SEMA5A: variants seen among roughly 807,000 people sequenced by gnomAD.
SEMA5A encodes the protein semaphorin 5A.
Under a neutral mutation model 135.5 loss-of-function variants are expected in SEMA5A, and 55 were observed. That is an observed-to-expected ratio of 0.41 (90% CI 0.33 to 0.51). The LOEUF (loss-of-function observed/expected upper bound fraction) is 0.51, where lower values mean the gene tolerates loss of function less well. Ranked by LOEUF, SEMA5A falls within the 20% of genes least tolerant of loss-of-function variation. SEMA5A has a pLI of 0.37. For synonymous variants in SEMA5A, 580 were observed against 546.5 expected (o/e 1.06, Z -0.85); for missense variants, 1,290 against 1,419.9 (o/e 0.91, Z 1.47).
At chr5:9,154,441 G>T in intron 12 of SEMA5A, 47 bp downstream of exon 12, 1 of 1,583,242 alleles carries the variant, frequency 6.3e-7, no homozygotes, top group Non-Finnish European at 8.7e-7. Flanking sequence ...CTCTGGGTGG[G>T]CCCTTCACAC....
At chr5:9,421,771 T>C (rs1475225068) in intron 2 of SEMA5A, among the ~76,000 whole-genome samples, 1 of 152,208 alleles carries the variant, frequency 6.6e-6, no homozygotes, top group Non-Finnish European at 1.5e-5. Context: ...GGATAGAACA[T>C]TGTTTCATCT....
intron 8 of SEMA5A, 82 bp downstream of exon 8, chr5:9,224,592 T>C: frequency 8.5e-7 from 1 of 1,171,470 alleles, no homozygotes; most frequent in South Asian, 1.3e-5. Flanking sequence ...TTATTTAGAG[T>C]GTTGTAGTTT....
intron 13 of SEMA5A, among the ~76,000 whole-genome samples, chr5:9,129,271 T>G (rs2150201374): frequency 6.6e-6 from 1 of 152,354 alleles, no homozygotes; most frequent in East Asian, 1.9e-4. Context: ...CAAATCACAG[T>G]GAGAACACAC....
chr5:9,090,164 A>T (rs1274720750), intron 16 of SEMA5A, among the ~76,000 whole-genome samples: 3 of 152,212 alleles, frequency 2.0e-5, no homozygotes, highest in Non-Finnish European at 4.4e-5. Context: ...TGAGTCTTGA[A>T]ATAGGGCTCT....
intron 2 of SEMA5A, among the ~76,000 whole-genome samples, chr5:9,400,827 T>A (rs895804326): frequency 2.9e-4 from 44 of 152,318 alleles, no homozygotes; most frequent in African/African-American, 9.6e-4. Context: ...TTAATATTCA[T>A]GAAGAAATCA....
At chr5:9,085,813 G>C (rs1005907429) in intron 16 of SEMA5A, among the ~76,000 whole-genome samples, 21 of 152,150 alleles carry the variant, frequency 1.4e-4, no homozygotes, top group African/African-American at 4.8e-4. Context: ...CTTGCACCAT[G>C]CACCCGGAAA....
intron 5 of SEMA5A, among the ~76,000 whole-genome samples, chr5:9,306,439 A>G (rs6867934): frequency 7.4e-6 from 1 of 135,302 alleles, no homozygotes; most frequent in African/African-American, 2.5e-5. Flanking sequence ...AATAATTCAT[A>G]TAGTTCCATA....
chr5:9,168,010 A>T (rs941713160), intron 11 of SEMA5A, among the ~76,000 whole-genome samples: 1 of 152,264 alleles, frequency 6.6e-6, no homozygotes, highest in East Asian at 1.9e-4. Flanking sequence ...CATGTTAAAA[A>T]TTCTATAGGT....
chr5:9,392,374 ATGT>A (rs1291223005), intron 2 of SEMA5A, among the ~76,000 whole-genome samples: 39 of 152,354 alleles, frequency 2.6e-4, no homozygotes, highest in African/African-American at 8.7e-4. Flanking sequence ...TCAAAATAAC[ATGT>A]TGTACATCTT....
intron 1 of SEMA5A, among the ~76,000 whole-genome samples, chr5:9,535,063 G>C (rs969858309): frequency 4.6e-5 from 7 of 152,188 alleles, no homozygotes; most frequent in African/African-American, 9.7e-5. Context: ...TGAGCCCCGG[G>C]AAAGCCCTTC....
chr5:9,044,521 G>A lies in SEMA5A; in HGVS notation c.2957C>T (p.Thr986Ile). ...CTGGCAGTAAGTATAGACGAGCAGGGTGAGGAGGCAGCCGAGGATGGAGCT... is the reference window on the plus strand; with the variant it reads ...CTGGCAGTAAGTATAGACGAGCAGGATGAGGAGGCAGCCGAGGATGGAGCT... Reference protein sequence around the residue: ...LSSSILGCLLTLLVYTYCQRY... With the variant: ...LSSSILGCLLILLVYTYCQRY... Residue 986 changes from threonine to isoleucine, a missense_variant, in exon 22 of 23, where the codon ACC becomes ATC. Physicochemically the swap from Thr to Ile is moderately conservative, Grantham distance 89. Around this residue, in one of 3 missense-constraint regions of SEMA5A, gnomAD observed 1,029 missense variants for 1,086.6 expected, o/e 0.95. Transcript: ENST00000382496. The A allele has an allele frequency of 1.2e-6, 2 of 1,614,046 alleles. No individual in the cohort carries two copies. Among genetic ancestry groups the A allele is most frequent in the South Asian group, 1.1e-5 (1 of 91,070 alleles).
At chr5:9,253,551 T>C (rs1420115327) in intron 5 of SEMA5A, among the ~76,000 whole-genome samples, 1 of 152,208 alleles carries the variant, frequency 6.6e-6, no homozygotes, top group African/African-American at 2.4e-5. Context: ...TTTATCAGTC[T>C]TCATAACCAT....
chr5:9,342,672 A>G (rs1753702005), intron 3 of SEMA5A, among the ~76,000 whole-genome samples: 1 of 152,240 alleles, frequency 6.6e-6, no homozygotes, highest in Non-Finnish European at 1.5e-5. Flanking sequence ...AGTCTGCATC[A>G]TGACAAAATA....
chr5:9,436,230 T>C (rs760630249), intron 2 of SEMA5A, among the ~76,000 whole-genome samples: 17 of 152,196 alleles, frequency 1.1e-4, no homozygotes, highest in Non-Finnish European at 2.2e-4. Context: ...TAACTCTTCC[T>C]ATCATATATC....
chr5:9,294,322 C>T (rs1751227914), intron 5 of SEMA5A, among the ~76,000 whole-genome samples: 1 of 152,180 alleles, frequency 6.6e-6, no homozygotes, highest in Non-Finnish European at 1.5e-5. Flanking sequence ...TGTGGACTTG[C>T]ACACAACCAT....
Position 9,384,559 on chromosome 5 carries a change from G to GATAGATAGATAC in SEMA5A, c.-77-4548_-77-4537dup, listed in dbSNP as rs1561207501. Reference sequence around the variant, plus strand: ...AGATAGATAGATAGATAGATAGATAGATAGATAGATACATAGATAGATAGA... The same window carrying GATAGATAGATAC: ...AGATAGATAGATAGATAGATAGATAGATAGATAGATACATAGATAGATACATAGATAGATAGA... On this transcript the variant is annotated intron_variant, in intron 2 of 22. Coordinates refer to ENST00000382496, the MANE Select transcript of SEMA5A (RefSeq NM_003966.3). 3.9e-4 allele frequency among the ~76,000 whole-genome samples: 48 copies of GATAGATAGATAC among 123,534 alleles called. 1 individual carries two copies. Among genetic ancestry groups the GATAGATAGATAC allele is most frequent in the African/African-American group, 1.5e-3 (48 of 32,616 alleles). The allele number at this position is 123,534 out of a possible 152,430, so 81.0% of individuals were successfully genotyped here.
At chr5:9,106,472 G>C (rs1251254801) in intron 16 of SEMA5A, among the ~76,000 whole-genome samples, 1 of 152,070 alleles carries the variant, frequency 6.6e-6, no homozygotes, top group African/African-American at 2.4e-5. Context: ...TGAACAATGA[G>C]AAAATTAATG....
At chr5:9,106,028 A>T (rs1166125479) in intron 16 of SEMA5A, among the ~76,000 whole-genome samples, 1 of 152,144 alleles carries the variant, frequency 6.6e-6, no homozygotes, top group African/African-American at 2.4e-5. Context: ...CTGCCTTAGG[A>T]CAGACAGAAA....
intron 22 of SEMA5A, among the ~76,000 whole-genome samples, chr5:9,043,604 A>T (rs988731676): frequency 6.6e-6 from 1 of 152,214 alleles, no homozygotes; most frequent in Non-Finnish European, 1.5e-5. Flanking sequence ...CAGGTAGAAC[A>T]TATATATTGA....
Sources: gnomAD v4.1 joint callset for allele counts (sites outside exome capture counted in the v4.1 genomes callset) on GRCh38, gnomAD v4.1.1 for gene constraint, gnomAD v4.1.1 regional missense constraint, MANE v1.5 for transcripts, NCBI Gene and HGNC (gene_info 2026-07-23, HGNC 2026-07-21) for gene names.